The following VHL variants were observed in gnomAD, a reference collection of about 807,000 sequenced individuals.
VHL encodes the protein von Hippel-Lindau disease tumor suppressor.
Under a neutral mutation model 19.2 loss-of-function variants are expected in VHL, and 10 were observed. The ratio of observed to expected loss-of-function variants is 0.52; its 90% confidence interval spans 0.32 to 0.89. The LOEUF (loss-of-function observed/expected upper bound fraction) is 0.89. Among genes scored for constraint, VHL ranks in the 40% least tolerant of loss-of-function variants. VHL has a pLI of 0.03. For missense variants in VHL, 328 were observed against 292.7 expected (o/e 1.12, Z -0.88); for synonymous variants, 167 against 129.5 (o/e 1.29, Z -1.97).
rs747861291 is a variant in VHL at position 10,142,031 on chromosome 3, G to A, written c.184G>A (p.Val62Met). ...GATGGAGGCCGGGCGGCCGCGGCCC[G>A]TGCTGCGCTCGGTGAACTCGCGCGA... ...EEMEAGRPRPVLRSVNSREPS... is the reference protein window; with the variant it reads ...EEMEAGRPRPMLRSVNSREPS... The change falls in exon 1 of 3, where the codon GTG becomes ATG. Residue 62 changes from valine to methionine, a missense_variant. Physicochemically the swap from Val to Met is conservative, Grantham distance 21. Transcript: ENST00000256474. 2 of 1,599,380 alleles carry A rather than the reference G, an allele frequency of 1.3e-6. No individual in the cohort carries two copies. The highest frequency in any genetic ancestry group is 2.3e-5 in the East Asian group (1 of 44,224).
At chr3:10,147,822 GTAA>G (rs1441822014) in intron 2 of VHL, among the ~76,000 whole-genome samples, 2 of 152,124 alleles carry the variant, frequency 1.3e-5, no homozygotes, top group Non-Finnish European at 2.9e-5. Context: ...GCTCCTGCCT[GTAA>G]TCATGCCTGT....
Position 10,142,788 on chromosome 3 carries a change from C to G in VHL, c.340+601C>G, listed in dbSNP as rs978373924. ...TCCTCATGACTCCAGTGGGCCAGTT[C>G]TGCGTAGTCCCTGCCCTCGTGGAGA... On this transcript the variant is annotated intron_variant, in intron 1 of 2. Coordinates refer to ENST00000256474, the MANE Select transcript of VHL (RefSeq NM_000551.4). 3 of 153,398 alleles carry G rather than the reference C, an allele frequency of 2.0e-5. No individual in the cohort carries two copies. The highest frequency in any genetic ancestry group is 4.4e-5 in the Non-Finnish European group (3 of 68,698). 9.5% of individuals were successfully genotyped at this position (153,398 alleles called of 1,614,324 possible).
Position 10,150,228 on chromosome 3 carries a change from AAGTC to A in VHL, c.*266_*269del, listed in dbSNP as rs886057704. The A allele has an allele frequency of 1.8e-5, 24 of 1,345,070 alleles. No individual in the cohort carries two copies. The highest frequency in any genetic ancestry group is 2.1e-5 in the Non-Finnish European group (22 of 1,042,638). The allele number at this position is 1,345,070 out of a possible 1,614,324, so 83.3% of individuals were successfully genotyped here. A position where few individuals can be genotyped will look rare whatever the true frequency, so the allele number is the denominator to read the frequency against. On this transcript the variant is annotated 3_prime_UTR_variant, in exon 3 of 3. Transcript: ENST00000256474. Reference sequence around the variant, plus strand: ...GGTGGTGGCATTTTTGCTTCCTAGTAAGTCAGGACAGCTTGTATGTAAGGAGGTT... The same window carrying A: ...GGTGGTGGCATTTTTGCTTCCTAGTAAGGACAGCTTGTATGTAAGGAGGTT...
intron 2 of VHL, among the ~76,000 whole-genome samples, chr3:10,148,070 C>G (rs1696307052): frequency 6.6e-6 from 1 of 151,232 alleles, no homozygotes; most frequent in South Asian, 2.1e-4. Context: ...CACTCCAGCC[C>G]AGGTGACAGA....
At chr3:10,149,426 C>T (rs996808644) in intron 2 of VHL, among the ~76,000 whole-genome samples, 1 of 152,166 alleles carries the variant, frequency 6.6e-6, no homozygotes, top group Non-Finnish European at 1.5e-5. Context: ...GCCTGTTCCT[C>T]TTTATGTGGT....
rs1426002212 is a variant in VHL at position 10,150,016 on chromosome 3, A to C, written c.*51A>C. ...TTCATCTCAGCTTTTGATGGTACTG[A>C]TGAGTCTTGATCTAGATACAGGACT... On this transcript the variant is annotated 3_prime_UTR_variant, in exon 3 of 3. Coordinates refer to ENST00000256474, the MANE Select transcript of VHL (RefSeq NM_000551.4). 2 of 1,583,146 alleles carry C rather than the reference A, an allele frequency of 1.3e-6. No individual in the cohort carries two copies. The highest frequency in any genetic ancestry group is 1.7e-6 in the Non-Finnish European group (2 of 1,164,428).
intron 2 of VHL, among the ~76,000 whole-genome samples, chr3:10,147,551 G>C (rs1016581152): frequency 1.3e-5 from 2 of 151,232 alleles, no homozygotes; most frequent in Non-Finnish European, 2.9e-5. Context: ...TTTTAGTAGA[G>C]ATGAGGTTTC....
At chr3:10,144,494 G>GTTTTT (rs1696205775) in intron 1 of VHL, among the ~76,000 whole-genome samples, 1 of 70,456 alleles carries the variant, frequency 1.4e-5, no homozygotes, top group African/African-American at 7.5e-5. Flanking sequence ...TCTCTATCTT[G>GTTTTT]TCTTTTTTTT....
Position 10,142,003 on chromosome 3 carries a change from G to A in VHL, c.156G>A (p.Glu52=), listed in dbSNP as rs2125124847. ...ESGPEELGAE[E]EMEAGRPRPV... is the part of the protein sequence containing the mutation. ...GCCCGGAGGAACTGGGCGCCGAGGA[G>A]GAGATGGAGGCCGGGCGGCCGCGGC... The change falls in exon 1 of 3, where the codon GAG becomes GAA. Residue 52 remains glutamate (E), a synonymous_variant. Coordinates refer to ENST00000256474, the MANE Select transcript of VHL (RefSeq NM_000551.4). The A allele has an allele frequency of 6.3e-7, 1 of 1,584,672 alleles. No individual in the cohort carries two copies. The highest frequency in any genetic ancestry group is 8.6e-7 in the Non-Finnish European group (1 of 1,166,972).
intron 1 of VHL, among the ~76,000 whole-genome samples, chr3:10,144,720 C>G (rs1013905392): frequency 1.3e-5 from 2 of 151,642 alleles, no homozygotes; most frequent in African/African-American, 4.8e-5. Context: ...TGAGGTCTTG[C>G]TATGTTGCCC....
In VHL at chr3:10,151,394, T is replaced by A. The variant is rs1311275040; in HGVS notation, c.*1429T>A. 4.5e-6 allele frequency: 1 copy of A among 220,362 alleles called. No homozygotes were observed. Among genetic ancestry groups the A allele is most frequent in the African/African-American group, 2.2e-5 (1 of 44,672 alleles). The allele number at this position is 220,362 out of a possible 1,614,324, so 13.7% of individuals were successfully genotyped here. ...TAGATTTTTTTTTCCACTTTTGTTC[T>A]ACTCCTTCCCTAATAGCTTTTTAAA... On this transcript the variant is annotated 3_prime_UTR_variant, in exon 3 of 3. Coordinates refer to ENST00000256474, the MANE Select transcript of VHL (RefSeq NM_000551.4).
At chr3:10,142,262 C>G (rs1174124499) in intron 1 of VHL, 75 bp downstream of exon 1, 1 of 1,527,010 alleles carries the variant, frequency 6.5e-7, no homozygotes, top group African/African-American at 1.4e-5. Context: ...GCCCCGGGGT[C>G]CATTTTGCAG....
intron 2 of VHL, 41 bp downstream of exon 2, chr3:10,146,677 G>T (rs766571541): frequency 6.2e-7 from 1 of 1,610,332 alleles, no homozygotes. Flanking sequence ...GGTTGTTGTG[G>T]TAAGTACAGG....
intron 1 of VHL, 65 bp downstream of exon 1, chr3:10,142,252 G>T: frequency 6.5e-7 from 1 of 1,535,930 alleles, no homozygotes. Flanking sequence ...CCCCTCTACC[G>T]CCCCGGGGTC....
Position 10,151,840 on chromosome 3 carries a change from G to A in VHL, c.*1875G>A, listed in dbSNP as rs1696418231. 5.2e-6 allele frequency: 1 copy of A among 192,398 alleles called. No individual in the cohort carries two copies. The highest frequency in any genetic ancestry group is 1.1e-5 in the Non-Finnish European group (1 of 92,508). 11.9% of individuals were successfully genotyped at this position (192,398 alleles called of 1,614,324 possible). Reference sequence around the variant, plus strand: ...AGTACTTTGGAAAGCCAAGGTAAGAGGATTGCTTGAGCCCAGAACTTCAAG... The same window carrying A: ...AGTACTTTGGAAAGCCAAGGTAAGAAGATTGCTTGAGCCCAGAACTTCAAG... On this transcript the variant is annotated 3_prime_UTR_variant, in exon 3 of 3. Transcript: ENST00000256474.
chr3:10,142,227 T>C, intron 1 of VHL, 40 bp downstream of exon 1: 2 of 1,577,526 alleles, frequency 1.3e-6, no homozygotes. Flanking sequence ...GCAGGGACGA[T>C]AGCACGGTCT....
In VHL at chr3:10,150,871, G is replaced by T. The variant is rs761277468; in HGVS notation, c.*906G>T. 6.6e-5 allele frequency: 15 copies of T among 228,228 alleles called. No individual in the cohort carries two copies. The highest frequency in any genetic ancestry group is 1.2e-4 in the Non-Finnish European group (14 of 115,094). 14.1% of individuals were successfully genotyped at this position (228,228 alleles called of 1,614,324 possible). A position where few individuals can be genotyped will look rare whatever the true frequency, so the allele number is the denominator to read the frequency against. On this transcript the variant is annotated 3_prime_UTR_variant, in exon 3 of 3. Coordinates refer to ENST00000256474, the MANE Select transcript of VHL (RefSeq NM_000551.4). ...TATGTGACATTCCTGATTGATTTGG[G>T]TTTTTTTGTTGTTGTTGTTTTGTTT... is the stretch of plus-strand genomic sequence containing the variant.
At chr3:10,144,496 C>CTTTTTTTTTTTT (rs34512214) in intron 1 of VHL, among the ~76,000 whole-genome samples, 4 of 116,656 alleles carry the variant, frequency 3.4e-5, no homozygotes, top group Admixed American at 9.9e-5. Flanking sequence ...TCTATCTTGT[C>CTTTTTTTTTTTT]TTTTTTTTTT....
In VHL at chr3:10,141,787, C is replaced by CCCCGCGTCCGACCCGCGGAT. The variant is rs730882036; in HGVS notation, c.-54_-35dup. On this transcript the variant is annotated 5_prime_UTR_variant, in exon 1 of 3. Coordinates refer to ENST00000256474, the MANE Select transcript of VHL (RefSeq NM_000551.4). ...ACTCGGGAGCGCGCACGCAGCTCCG[C>CCCCGCGTCCGACCCGCGGAT]CCCGCGTCCGACCCGCGGATCCCGC... The CCCCGCGTCCGACCCGCGGAT allele has an allele frequency of 6.6e-7, 1 of 1,524,534 alleles. No individual in the cohort carries two copies. The allele number at this position is 1,524,534 out of a possible 1,614,324, so 94.4% of individuals were successfully genotyped here.
Sources: gnomAD v4.1 joint callset for allele counts (sites outside exome capture counted in the v4.1 genomes callset) on GRCh38, gnomAD v4.1.1 for gene constraint, MANE v1.5 for transcripts, NCBI Gene and HGNC (gene_info 2026-07-23, HGNC 2026-07-21) for gene names.